MIPEP: variants seen among roughly 807,000 people sequenced by gnomAD.
The protein encoded by MIPEP is mitochondrial intermediate peptidase.
In MIPEP, 79 loss-of-function variants were observed where a neutral mutation model predicts 90.3. The observed-to-expected ratio is 0.87, with a 90% CI of 0.73 to 1.05. The LOEUF is 1.05. Among genes scored for constraint, MIPEP ranks in the 50% least tolerant of loss-of-function variants. The probability of loss-of-function intolerance (pLI) is 0.00; values close to 1 mark genes in which losing one functional copy is unlikely to be tolerated. For missense variants in MIPEP, 940 were observed against 905.6 expected, an observed-to-expected ratio of 1.04 and a Z score of -0.49; for synonymous variants, 334 against 315.8, an observed-to-expected ratio of 1.06 and a Z score of -0.61.
intron 11 of MIPEP, among the ~76,000 whole-genome samples, chr13:23,840,230 C>T (rs1448790850): frequency 6.6e-6 from 1 of 152,224 alleles, no homozygotes; most frequent in African/African-American, 2.4e-5. Flanking sequence ...TCACTACTCT[C>T]CATCTTGCCT....
In MIPEP at chr13:23,886,366, C is replaced by T. The variant is rs779500099; in HGVS notation, c.330G>A (p.Glu110=). ...CCACTCTGCATAAGGAATCCGAGAG[C>T]TCATCGAAGATCAGCACGGTCTGGG... The part of the protein sequence containing the change: ...PGPQTVLIFD[E]LSDSLCRVAD... Residue 110 remains glutamate, a synonymous_variant, in exon 2 of 19, where the codon GAG becomes GAA. Transcript: ENST00000382172. The T allele has an allele frequency of 1.3e-6, 2 of 1,599,698 alleles. No individual in the cohort carries two copies. Among genetic ancestry groups the T allele is most frequent in the Non-Finnish European group, 1.7e-6 (2 of 1,172,696 alleles).
chr13:23,869,721 CAGG>C (rs1052350952), intron 6 of MIPEP, among the ~76,000 whole-genome samples: 7 of 152,258 alleles, frequency 4.6e-5, no homozygotes, highest in African/African-American at 1.2e-4. Context: ...GCGTCTTAAC[CAGG>C]AGAAGTAAGG....
intron 11 of MIPEP, among the ~76,000 whole-genome samples, chr13:23,840,369 T>C (rs140580723): frequency 1.3e-3 from 194 of 152,340 alleles, no homozygotes; most frequent in African/African-American, 4.5e-3. Context: ...CCAGGAACTC[T>C]TCAAGACACT....
At chr13:23,883,650 G>A (rs574253223) in intron 2 of MIPEP, among the ~76,000 whole-genome samples, 22 of 152,310 alleles carry the variant, frequency 1.4e-4, no homozygotes, top group Admixed American at 7.2e-4. Flanking sequence ...AAGAAAGTCT[G>A]TACATGTTCA....
intron 14 of MIPEP, among the ~76,000 whole-genome samples, chr13:23,825,939 T>C (rs925725077): frequency 6.6e-6 from 1 of 152,122 alleles, no homozygotes; most frequent in African/African-American, 2.4e-5. Context: ...GAAAGACAAC[T>C]AGAGCAGTAA....
chr13:23,731,289 C>T (rs1019167434), intron 18 of MIPEP, among the ~76,000 whole-genome samples: 1 of 152,128 alleles, frequency 6.6e-6, no homozygotes, highest in East Asian at 1.9e-4. Context: ...TGCAGGAATC[C>T]TCTATTGTTC....
In MIPEP at chr13:23,862,183, G is replaced by A. The variant is rs560895508; in HGVS notation, c.1053+119C>T. 1.3e-5 allele frequency: 9 copies of A among 668,546 alleles called. No homozygotes were observed. In the South Asian group the frequency reaches 1.4e-4, roughly 11 times the overall value. 41.4% of individuals were successfully genotyped at this position (668,546 alleles called of 1,614,324 possible). ...AACATCTTTATTCACCAAAACCGAG[G>A]ATCAGAAACAAGACTAAATGGACCT... On this transcript the variant is annotated intron_variant, in intron 9 of 18. Transcript: ENST00000382172.
chr13:23,889,191 C>G lies in MIPEP; in HGVS notation c.130G>C (p.Gly44Arg). The change falls in exon 1 of 19, where the codon GGC becomes CGC. Residue 44 changes from glycine to arginine, a missense_variant. Physicochemically the swap from Gly to Arg is moderately radical, Grantham distance 125. Coordinates refer to ENST00000382172, the MANE Select transcript of MIPEP (RefSeq NM_005932.4). ...RRVSTSWSPV[G>R]AAFNVKPQGS... ...TGGGGCTTGACATTGAAGGCGGCGC[C>G]CACGGGAGACCAGCTGGTGCTGACC... is the stretch of plus-strand genomic sequence containing the variant. 6.8e-7 allele frequency: 1 copy of G among 1,466,048 alleles called. No homozygotes were observed. 90.8% of individuals were successfully genotyped at this position (1,466,048 alleles called of 1,614,324 possible). A position where few individuals can be genotyped will look rare whatever the true frequency, so the allele number is the denominator to read the frequency against.
chr13:23,856,245 G>A (rs1044904461), intron 10 of MIPEP, among the ~76,000 whole-genome samples: 2 of 152,220 alleles, frequency 1.3e-5, no homozygotes, highest in African/African-American at 4.8e-5. Context: ...TCACAGATGT[G>A]TAAGACAAAC....
chr13:23,762,563 C>A (rs1286231288), intron 16 of MIPEP, among the ~76,000 whole-genome samples: 1 of 152,182 alleles, frequency 6.6e-6, no homozygotes, highest in African/African-American at 2.4e-5. Context: ...CATCCGTTCT[C>A]CTCTTTCTGT....
chr13:23,749,704 C>T (rs758121944), intron 18 of MIPEP, among the ~76,000 whole-genome samples: 4 of 152,154 alleles, frequency 2.6e-5, no homozygotes, highest in Non-Finnish European at 5.9e-5. Context: ...AACCATGCAA[C>T]CATCTCTATA....
chr13:23,818,437 A>AAAAT (rs1196777243), intron 14 of MIPEP, among the ~76,000 whole-genome samples: 3 of 137,300 alleles, frequency 2.2e-5, no homozygotes, highest in African/African-American at 8.9e-5. Context: ...AAAATTAATA[A>AAAAT]AAATAAATAA....
intron 5 of MIPEP, among the ~76,000 whole-genome samples, chr13:23,871,414 G>A (rs1326356574): frequency 6.6e-6 from 1 of 152,088 alleles, no homozygotes; most frequent in Non-Finnish European, 1.5e-5. Context: ...AGGCTCTGCA[G>A]ATGAATTTTC....
chr13:23,883,845 T>C (rs772954451), intron 2 of MIPEP, among the ~76,000 whole-genome samples: 6 of 152,306 alleles, frequency 3.9e-5, no homozygotes, highest in Admixed American at 6.5e-5. Context: ...TTTCCACAGC[T>C]TCCCCATCAT....
At chr13:23,748,337 C>G (rs775025808) in intron 18 of MIPEP, among the ~76,000 whole-genome samples, 1 of 152,218 alleles carries the variant, frequency 6.6e-6, no homozygotes, top group African/African-American at 2.4e-5. Context: ...GCTGCAGATA[C>G]AGCTGTGAAC....
At chr13:23,786,323 A>C (rs954040134) in intron 16 of MIPEP, among the ~76,000 whole-genome samples, 6 of 152,216 alleles carry the variant, frequency 3.9e-5, no homozygotes, top group Non-Finnish European at 7.3e-5. Flanking sequence ...AAATAAAATC[A>C]TAAATACTAG....
intron 16 of MIPEP, among the ~76,000 whole-genome samples, chr13:23,801,758 G>T (rs557100824): frequency 2.6e-5 from 4 of 152,194 alleles, no homozygotes; most frequent in East Asian, 3.9e-4. Context: ...ATCAACTGGG[G>T]CCCTCAATTT....
intron 14 of MIPEP, among the ~76,000 whole-genome samples, chr13:23,823,516 T>C (rs76918229): frequency 0.018 from 2,697 of 152,260 alleles, 88 homozygotes; most frequent in African/African-American, 0.062. Flanking sequence ...TGATCAATAA[T>C]AGCACTCCTT....
chr13:23,812,546 G>C (rs1953187108), intron 14 of MIPEP, among the ~76,000 whole-genome samples: 1 of 152,012 alleles, frequency 6.6e-6, no homozygotes, highest in South Asian at 2.1e-4. Context: ...AGGGACCCCA[G>C]AGAAACTCTG....
Sources: gnomAD v4.1 joint callset for allele counts (sites outside exome capture counted in the v4.1 genomes callset) on GRCh38, gnomAD v4.1.1 for gene constraint, MANE v1.5 for transcripts, NCBI Gene and HGNC (gene_info 2026-07-23, HGNC 2026-07-21) for gene names.